EPHA3: variants seen among roughly 807,000 people sequenced by gnomAD.
EPHA3 encodes the protein ephrin type-A receptor 3.
EPHA3 carries 42 observed loss-of-function variants against 107.1 expected under a neutral mutation model. The observed-to-expected ratio is 0.39, with a 90% CI of 0.31 to 0.51. The LOEUF (loss-of-function observed/expected upper bound fraction) is 0.51. Ranked by LOEUF, EPHA3 falls within the 20% of genes least tolerant of loss-of-function variation. The probability of loss-of-function intolerance (pLI) is 0.78; values close to 1 mark genes in which losing one functional copy is unlikely to be tolerated. For missense variants in EPHA3, 1,183 were observed against 1,211.2 expected, an observed-to-expected ratio of 0.98 and a Z score of 0.35; for synonymous variants, 461 against 424.8, an observed-to-expected ratio of 1.09 and a Z score of -1.05.
chr3:89,454,412 C>T (rs892979492), intron 15 of EPHA3, among the ~76,000 whole-genome samples: 1 of 152,066 alleles, frequency 6.6e-6, no homozygotes, highest in African/African-American at 2.4e-5. Flanking sequence ...CTCTTGGTAC[C>T]TCTTTCTTCC....
At chr3:89,148,433 A>C (rs573146722) in intron 2 of EPHA3, among the ~76,000 whole-genome samples, 99 of 152,110 alleles carry the variant, frequency 6.5e-4, no homozygotes, top group Non-Finnish European at 1.2e-3. Flanking sequence ...ATTTAAAAGC[A>C]AACAAAAGGA....
intron 2 of EPHA3, among the ~76,000 whole-genome samples, chr3:89,178,257 T>C (rs1030495487): frequency 1.3e-5 from 2 of 152,128 alleles, no homozygotes; most frequent in Non-Finnish European, 2.9e-5. Flanking sequence ...AATAGATAGA[T>C]AGATAGTAAA....
At chr3:89,466,432 C>A (rs1305883011) in intron 15 of EPHA3, among the ~76,000 whole-genome samples, 1 of 120,526 alleles carries the variant, frequency 8.3e-6, no homozygotes, top group Non-Finnish European at 1.8e-5. Context: ...CCCCCAGCCT[C>A]GTTGCCGCCT....
chr3:89,457,258 T>C (rs1373818974), intron 15 of EPHA3, among the ~76,000 whole-genome samples: 3 of 152,030 alleles, frequency 2.0e-5, no homozygotes, highest in African/African-American at 7.3e-5. Context: ...AAAAGGAAAT[T>C]ATGGGGAAAA....
intron 3 of EPHA3, among the ~76,000 whole-genome samples, chr3:89,241,240 G>T (rs956066113): frequency 2.7e-4 from 41 of 151,734 alleles, no homozygotes; most frequent in Admixed American, 2.6e-3. Context: ...TATTTTACTC[G>T]AAACCCAATT....
chr3:89,345,440 T>C lies in EPHA3; in HGVS notation c.1306+3350T>C, dbSNP rs1279177539. The stretch of plus-strand genomic sequence containing the variant: ...CATGTGTGAAAATATTGCAATAGTG[T>C]GCATTATGCCTATATACCTTCACCC... On this transcript the variant is annotated intron_variant, in intron 5 of 16. Coordinates refer to ENST00000336596, the MANE Select transcript of EPHA3 (RefSeq NM_005233.6). Among the ~76,000 whole-genome samples, 35 of 151,202 alleles carry C rather than the reference T, an allele frequency of 2.3e-4. 4 individuals carry two copies. Among genetic ancestry groups the C allele is most frequent in the Non-Finnish European group, 4.7e-4 (32 of 67,562 alleles).
chr3:89,454,202 G>A (rs975523849), intron 15 of EPHA3, among the ~76,000 whole-genome samples: 41 of 152,000 alleles, frequency 2.7e-4, no homozygotes, highest in African/African-American at 9.7e-4. Context: ...TATTACCCCT[G>A]CTGGCCCCAC....
chr3:89,175,565 T>G (rs1705304639), intron 2 of EPHA3, among the ~76,000 whole-genome samples: 1 of 152,166 alleles, frequency 6.6e-6, no homozygotes, highest in South Asian at 2.1e-4. Flanking sequence ...TCAAAAAAAT[T>G]TTGACCAAAT....
intron 12 of EPHA3, among the ~76,000 whole-genome samples, chr3:89,430,168 C>T (rs930049211): frequency 7.9e-5 from 12 of 152,094 alleles, no homozygotes; most frequent in Admixed American, 5.2e-4. Context: ...CAAGACAATA[C>T]CAATTACCAG....
At chr3:89,221,349 C>T (rs73849208) in intron 3 of EPHA3, among the ~76,000 whole-genome samples, 6,323 of 152,186 alleles carry the variant, frequency 0.042, 422 homozygotes, top group African/African-American at 0.14. Flanking sequence ...TATTGATTCA[C>T]GTAATGGTCA....
rs144258152 is a variant in EPHA3 at position 89,322,105 on chromosome 3, AAC to A, written c.815-18795_815-18794del. Among the ~76,000 whole-genome samples, 791 of 149,516 alleles carry A rather than the reference AAC, an allele frequency of 5.3e-3. 4 individuals carry two copies. The highest frequency in any genetic ancestry group is 0.017 in the African/African-American group (684 of 40,996). On this transcript the variant is annotated intron_variant, in intron 3 of 16. Coordinates refer to ENST00000336596, the MANE Select transcript of EPHA3 (RefSeq NM_005233.6). ...AAAATAGTAACTGCACACACACACA[AAC>A]ACACACACACACACAGAGGGGGGTT...
chr3:89,460,772 C>T (rs1213989343), intron 15 of EPHA3, among the ~76,000 whole-genome samples: 2 of 144,484 alleles, frequency 1.4e-5, no homozygotes, highest in African/African-American at 5.2e-5. Flanking sequence ...GATACAGAAC[C>T]TTTTAGAGGG....
chr3:89,188,247 T>C (rs1343156107), intron 2 of EPHA3, among the ~76,000 whole-genome samples: 1 of 152,170 alleles, frequency 6.6e-6, no homozygotes, highest in African/African-American at 2.4e-5. Flanking sequence ...ATAAGCCAGC[T>C]ACGATCTCGT....
intron 5 of EPHA3, among the ~76,000 whole-genome samples, chr3:89,352,063 G>A (rs966521132): frequency 6.6e-6 from 1 of 151,092 alleles, no homozygotes; most frequent in African/African-American, 2.4e-5. Flanking sequence ...ATTTAAAAGA[G>A]AGAACGTGAC....
intron 1 of EPHA3, among the ~76,000 whole-genome samples, chr3:89,120,886 T>C (rs1707362718): frequency 1.3e-5 from 2 of 152,206 alleles, no homozygotes; most frequent in Admixed American, 1.3e-4. Flanking sequence ...AAATAGGCTG[T>C]TAAAATACCA....
At position 89,377,216 on chromosome 3, in the gene EPHA3, T is replaced by A. The variant is rs189197895; in HGVS notation, c.1307-18621T>A. ...GCACTTCCCAACCTGTCTCTATACA[T>A]TCTTTTAGTGAATGAAGAGAATACG... On this transcript the variant is annotated intron_variant, in intron 5 of 16. Transcript: ENST00000336596. 1.5e-3 allele frequency among the ~76,000 whole-genome samples: 229 copies of A among 152,266 alleles called. 1 individual carries two copies. The highest frequency in any genetic ancestry group is 2.0e-3 in the Non-Finnish European group (133 of 67,990).
At chr3:89,190,375 C>T (rs1433912285) in intron 2 of EPHA3, among the ~76,000 whole-genome samples, 1 of 152,164 alleles carries the variant, frequency 6.6e-6, no homozygotes, top group Non-Finnish European at 1.5e-5. Context: ...TTTCAGAGAA[C>T]AATATATCTA....
chr3:89,392,436 C>CTA (rs780381965), intron 5 of EPHA3, among the ~76,000 whole-genome samples: 12 of 146,762 alleles, frequency 8.2e-5, no homozygotes, highest in African/African-American at 3.0e-4. Context: ...GAAACTCCAT[C>CTA]GAAAAAAAAA....
intron 3 of EPHA3, among the ~76,000 whole-genome samples, chr3:89,285,118 G>T (rs1706048370): frequency 6.6e-6 from 1 of 152,022 alleles, no homozygotes; most frequent in Admixed American, 6.6e-5. Flanking sequence ...GCGAAACTCT[G>T]TCTCAAATAA....
Sources: allele counts gnomAD v4.1 joint callset (sites outside exome capture counted in the v4.1 genomes callset), GRCh38; gene constraint gnomAD v4.1.1; transcripts MANE v1.5; gene names NCBI Gene and HGNC (gene_info 2026-07-23, HGNC 2026-07-21).